The following UPK1B variants were observed in gnomAD, a reference collection of about 807,000 sequenced individuals.
The protein encoded by UPK1B is uroplakin-1b.
UPK1B carries 28 observed loss-of-function variants against 34.2 expected under a neutral mutation model. The observed-to-expected ratio is 0.82, with a 90% CI of 0.61 to 1.12. UPK1B has a LOEUF of 1.12. Ranked by LOEUF, UPK1B falls within the 50% of genes most tolerant of loss-of-function variation. The pLI is 0.00. For missense variants in UPK1B, 325 were observed against 320.9 expected (o/e 1.01, Z -0.10); for synonymous variants, 81 against 110.4 (o/e 0.73, Z 1.67).
chr3:119,178,534 G>C (rs1338674237), intron 1 of UPK1B, among the ~76,000 whole-genome samples: 1 of 152,164 alleles, frequency 6.6e-6, no homozygotes, highest in Non-Finnish European at 1.5e-5. Flanking sequence ...TGGAAGCCAT[G>C]TTTATCTTTG....
intron 2 of UPK1B, 110 bp from the exon 3 acceptor site, chr3:119,187,665 T>C: frequency 8.7e-7 from 1 of 1,151,222 alleles, no homozygotes; most frequent in Non-Finnish European, 1.3e-6. Context: ...TTAGATTAGT[T>C]GCATAAAGCC....
Position 119,191,119 on chromosome 3 carries a change from C to A in UPK1B, c.468+15C>A. On this transcript the variant is annotated intron_variant, in intron 5 of 7. Transcript: ENST00000264234. Reference sequence around the variant, plus strand: ...TCATGCTCCAGGTAAGACCTGTGGTCTTGGGGAGATGCCATTTTTACTTAC... The same window carrying A: ...TCATGCTCCAGGTAAGACCTGTGGTATTGGGGAGATGCCATTTTTACTTAC... The A allele has an allele frequency of 6.2e-7, 1 of 1,612,558 alleles. No homozygotes were observed. Among genetic ancestry groups the A allele is most frequent in the South Asian group, 1.1e-5 (1 of 90,874 alleles).
At chr3:119,189,617 C>G (rs554028130) in intron 3 of UPK1B, among the ~76,000 whole-genome samples, 1 of 152,238 alleles carries the variant, frequency 6.6e-6, no homozygotes, top group East Asian at 1.9e-4. Context: ...CTCAACTGAA[C>G]CAATGTACTT....
intron 5 of UPK1B, among the ~76,000 whole-genome samples, chr3:119,191,682 T>C (rs956153864): frequency 6.6e-6 from 1 of 152,172 alleles, no homozygotes; most frequent in East Asian, 1.9e-4. Flanking sequence ...TTCTATGAAC[T>C]CTTTACTATC....
At chr3:119,199,283 C>T (rs555800307) in intron 7 of UPK1B, 143 bp downstream of exon 7, 33 of 880,564 alleles carry the variant, frequency 3.7e-5, no homozygotes, top group Non-Finnish European at 4.6e-5. Context: ...CTTCTGGCAC[C>T]GGAAGAAGGA....
chr3:119,191,332 C>G (rs775085238), intron 5 of UPK1B, among the ~76,000 whole-genome samples: 1 of 152,160 alleles, frequency 6.6e-6, no homozygotes, highest in Non-Finnish European at 1.5e-5. Flanking sequence ...ACAGTGAACT[C>G]GAGTGGTAAT....
intron 7 of UPK1B, among the ~76,000 whole-genome samples, chr3:119,200,591 A>C (rs2078086540): frequency 6.6e-6 from 1 of 152,216 alleles, no homozygotes; most frequent in Non-Finnish European, 1.5e-5. Flanking sequence ...TATCCAGAAA[A>C]TCACATGTGG....
chr3:119,189,186 C>A (rs1406484958), intron 3 of UPK1B, among the ~76,000 whole-genome samples: 1 of 152,164 alleles, frequency 6.6e-6, no homozygotes, highest in Non-Finnish European at 1.5e-5. Context: ...CAGGAGCCAG[C>A]AAAGCTCTTG....
intron 7 of UPK1B, among the ~76,000 whole-genome samples, chr3:119,200,789 C>G (rs2078087464): frequency 6.6e-6 from 1 of 152,180 alleles, no homozygotes; most frequent in African/African-American, 2.4e-5. Context: ...AAATATCTGC[C>G]ACATGTCCAA....
At chr3:119,188,019 G>T in intron 3 of UPK1B, 44 bp downstream of exon 3, 1 of 1,591,472 alleles carries the variant, frequency 6.3e-7, no homozygotes, top group Non-Finnish European at 8.6e-7. Context: ...TGAGCCAATT[G>T]TAATGGATTC....
chr3:119,174,604 A>C (rs2077944214), intron 1 of UPK1B, among the ~76,000 whole-genome samples: 1 of 152,230 alleles, frequency 6.6e-6, no homozygotes, highest in Admixed American at 6.5e-5. Flanking sequence ...ATAAATTTTT[A>C]AAGAAGTTTT....
At chr3:119,191,757 C>T (rs895340833) in intron 5 of UPK1B, among the ~76,000 whole-genome samples, 1 of 152,110 alleles carries the variant, frequency 6.6e-6, no homozygotes, top group African/African-American at 2.4e-5. Context: ...CATTTTCCTC[C>T]CATATCCATG....
intron 5 of UPK1B, 152 bp from the exon 6 acceptor site, chr3:119,194,067 C>T (rs982375213): frequency 9.7e-6 from 7 of 724,948 alleles, no homozygotes; most frequent in Non-Finnish European, 1.5e-5. Flanking sequence ...TGTAAGTTAT[C>T]AATACCTTCA....
At chr3:119,187,101 C>A (rs1559901709) in intron 2 of UPK1B, among the ~76,000 whole-genome samples, 1 of 152,208 alleles carries the variant, frequency 6.6e-6, no homozygotes, top group Non-Finnish European at 1.5e-5. Context: ...ACACACTTCA[C>A]TATTTCTTTT....
intron 6 of UPK1B, among the ~76,000 whole-genome samples, chr3:119,197,076 A>C (rs1011636137): frequency 6.6e-6 from 1 of 152,160 alleles, no homozygotes; most frequent in Non-Finnish European, 1.5e-5. Context: ...ACCATATTGT[A>C]GGTTTTCAGG....
chr3:119,179,102 GC>G (rs1201058710), intron 1 of UPK1B, among the ~76,000 whole-genome samples: 1 of 151,764 alleles, frequency 6.6e-6, no homozygotes, highest in Non-Finnish European at 1.5e-5. Context: ...ACTTTGGAAG[GC>G]CAAGTCTTGA....
intron 1 of UPK1B, among the ~76,000 whole-genome samples, chr3:119,185,332 A>G (rs533133171): frequency 6.6e-6 from 1 of 152,336 alleles, no homozygotes; most frequent in Non-Finnish European, 1.5e-5. Context: ...GCAAGGCTTG[A>G]GACAAATAGA....
chr3:119,204,142 T>TC lies in UPK1B; in HGVS notation c.*177dup. ...CTCAGGCTTCTGCAGTTCTCATGAC[T>TC]CCTACTTTTCATCCTAGTCTAGCAT... is the stretch of plus-strand genomic sequence containing the variant. On this transcript the variant is annotated 3_prime_UTR_variant, in exon 8 of 8. Coordinates refer to ENST00000264234, the MANE Select transcript of UPK1B (RefSeq NM_006952.4). The TC allele has an allele frequency of 1.6e-6, 1 of 630,810 alleles. No individual in the cohort carries two copies. The highest frequency in any genetic ancestry group is 2.7e-6 in the Non-Finnish European group (1 of 367,920). The allele number at this position is 630,810 out of a possible 1,614,324, so 39.1% of individuals were successfully genotyped here.
chr3:119,174,909 C>G (rs2077946860), intron 1 of UPK1B, among the ~76,000 whole-genome samples: 1 of 95,538 alleles, frequency 1.0e-5, no homozygotes, highest in East Asian at 3.2e-4. Flanking sequence ...TTTTTTTTAA[C>G]TGCTGGGAAG....
Sources: gnomAD v4.1 joint callset for allele counts (sites outside exome capture counted in the v4.1 genomes callset) on GRCh38, gnomAD v4.1.1 for gene constraint, MANE v1.5 for transcripts, NCBI Gene and HGNC (gene_info 2026-07-23, HGNC 2026-07-21) for gene names.